UVRAG: variants seen among roughly 807,000 people sequenced by gnomAD.
UVRAG encodes the protein UV radiation resistance-associated gene protein.
Under a neutral mutation model 78.0 loss-of-function variants are expected in UVRAG, and 19 were observed. The ratio of observed to expected loss-of-function variants is 0.24; its 90% CI spans 0.17 to 0.36. The LOEUF (loss-of-function observed/expected upper bound fraction) is 0.36. Among genes scored for constraint, UVRAG ranks in the 10% least tolerant of loss-of-function variants. UVRAG has a pLI of 1.00. For synonymous variants in UVRAG, 323 were observed against 324.6 expected (o/e 1.00, Z 0.05); for missense variants, 740 against 853.8 (o/e 0.87, Z 1.66).
intron 13 of UVRAG, among the ~76,000 whole-genome samples, chr11:76,088,016 C>G (rs957555965): frequency 5.3e-5 from 8 of 152,184 alleles, no homozygotes; most frequent in Non-Finnish European, 1.0e-4. Context: ...GGTGGCTACT[C>G]CTAGCCTCTC....
rs1371606293 is a variant in UVRAG at position 76,141,697 on chromosome 11, G to A, written c.*284G>A. ...AGCTCGAGTCACCTTTTAGCTATTT[G>A]TCTGCTTTTTATTTACCCTTGTATG... On this transcript the variant is annotated 3_prime_UTR_variant, in exon 15 of 15. Coordinates refer to ENST00000356136, the MANE Select transcript of UVRAG (RefSeq NM_003369.4). 1 of 412,034 alleles carries A rather than the reference G, an allele frequency of 2.4e-6. No homozygotes were observed. Among genetic ancestry groups the A allele is most frequent in the Non-Finnish European group, 4.4e-6 (1 of 229,016 alleles). 25.5% of individuals were successfully genotyped at this position (412,034 alleles called of 1,614,324 possible).
intron 5 of UVRAG, among the ~76,000 whole-genome samples, chr11:75,896,977 A>G (rs559397478): frequency 9.2e-5 from 14 of 152,156 alleles, no homozygotes; most frequent in Non-Finnish European, 1.9e-4. Flanking sequence ...TAAGAATTTC[A>G]TTTTTCTGAC....
rs921341740 is a variant in UVRAG at position 75,815,382 on chromosome 11, C to G, written c.-26C>G. 7 of 1,191,724 alleles carry G rather than the reference C, an allele frequency of 5.9e-6. No individual in the cohort carries two copies. Among genetic ancestry groups the G allele is most frequent in the Middle Eastern group, 2.9e-4 (1 of 3,466 alleles). The allele number at this position is 1,191,724 out of a possible 1,614,324, so 73.8% of individuals were successfully genotyped here. A position where few individuals can be genotyped will look rare whatever the true frequency, so the allele number is the denominator to read the frequency against. On this transcript the variant is annotated 5_prime_UTR_variant, in exon 1 of 15. Coordinates refer to ENST00000356136, the MANE Select transcript of UVRAG (RefSeq NM_003369.4). ...GCGGATGCCGGAAGAGTGCCCGCCCCGCCGCTTGGCGGCCCCTGGATCGAG... is the reference window on the plus strand; with the variant it reads ...GCGGATGCCGGAAGAGTGCCCGCCCGGCCGCTTGGCGGCCCCTGGATCGAG...
At chr11:75,909,159 G>C (rs886232141) in intron 5 of UVRAG, among the ~76,000 whole-genome samples, 4 of 151,922 alleles carry the variant, frequency 2.6e-5, no homozygotes, top group Non-Finnish European at 4.4e-5. Context: ...AGCAGCCTTG[G>C]CAACATAGTA....
rs1466253078 is a variant in UVRAG, at chr11:76,131,169, CTG to C, written c.1398-9539_1398-9538del. Among the ~76,000 whole-genome samples the C allele has an allele frequency of 4.6e-5, 7 of 152,292 alleles. No homozygotes were observed. In the East Asian group the frequency reaches 1.3e-3, roughly 29 times the overall value. Reference sequence around the variant, plus strand: ...AGTCCTCATAATGTTGGTTGCCTGACTGTGATTTTACTACATTAATTTGTATG... The same window carrying C: ...AGTCCTCATAATGTTGGTTGCCTGACTGATTTTACTACATTAATTTGTATG... On this transcript the variant is annotated intron_variant, in intron 14 of 14. Transcript: ENST00000356136.
At chr11:75,878,857 G>A (rs945219147) in intron 3 of UVRAG, among the ~76,000 whole-genome samples, 10 of 144,832 alleles carry the variant, frequency 6.9e-5, no homozygotes, top group African/African-American at 2.5e-4. Flanking sequence ...CATGGAAAGA[G>A]AGAGAGAGAG....
At chr11:75,938,129 T>A (rs189107194) in intron 6 of UVRAG, among the ~76,000 whole-genome samples, 1 of 151,414 alleles carries the variant, frequency 6.6e-6, no homozygotes. Flanking sequence ...TCAGACATCA[T>A]GATTTCCTTT....
chr11:76,088,584 TCCTGCAACCACTTACC>T (rs990679373), intron 13 of UVRAG, among the ~76,000 whole-genome samples: 6 of 147,936 alleles, frequency 4.1e-5, no homozygotes, highest in Non-Finnish European at 6.0e-5. Flanking sequence ...CAGCCTCAAC[TCCTGCAACCACTTACC>T]CCAAAACCTC....
intron 6 of UVRAG, among the ~76,000 whole-genome samples, chr11:75,948,236 A>T (rs180759860): frequency 5.3e-5 from 8 of 152,304 alleles, no homozygotes; most frequent in Admixed American, 3.9e-4. Flanking sequence ...CATACCTCTT[A>T]CATCATTGTT....
chr11:75,825,040 T>A (rs572343504), intron 1 of UVRAG, among the ~76,000 whole-genome samples: 19 of 152,278 alleles, frequency 1.2e-4, no homozygotes, highest in African/African-American at 4.3e-4. Context: ...GAAAAAGACA[T>A]CTGTCTTATG....
At chr11:75,878,661 C>T (rs1178010274) in intron 3 of UVRAG, among the ~76,000 whole-genome samples, 1 of 152,218 alleles carries the variant, frequency 6.6e-6, no homozygotes, top group Non-Finnish European at 1.5e-5. Context: ...GAGCTGGAGA[C>T]CAGCCCGGCT....
At chr11:75,995,734 A>T (rs1362336044) in intron 8 of UVRAG, among the ~76,000 whole-genome samples, 1 of 152,078 alleles carries the variant, frequency 6.6e-6, no homozygotes, top group African/African-American at 2.4e-5. Flanking sequence ...TCCTTTTCTT[A>T]GGTCATACAG....
At chr11:76,088,140 G>A (rs1376733752) in intron 13 of UVRAG, among the ~76,000 whole-genome samples, 1 of 152,126 alleles carries the variant, frequency 6.6e-6, no homozygotes, top group African/African-American at 2.4e-5. Context: ...GGGCTCAAGC[G>A]ATAGTGATGG....
At chr11:76,128,892 T>G (rs1466095738) in intron 14 of UVRAG, among the ~76,000 whole-genome samples, 2 of 152,250 alleles carry the variant, frequency 1.3e-5, no homozygotes, top group Admixed American at 1.3e-4. Context: ...GTTTTAATTT[T>G]AAAGAGTTTA....
intron 9 of UVRAG, among the ~76,000 whole-genome samples, chr11:76,005,561 A>G (rs1245821298): frequency 2.0e-5 from 3 of 152,208 alleles, no homozygotes; most frequent in Non-Finnish European, 4.4e-5. Flanking sequence ...CACTTTTAAC[A>G]TTAGATTCTC....
intron 5 of UVRAG, among the ~76,000 whole-genome samples, chr11:75,904,026 A>G (rs1015383611): frequency 1.3e-5 from 2 of 152,218 alleles, no homozygotes; most frequent in African/African-American, 2.4e-5. Context: ...AGTCCAGCAC[A>G]TATTTTTGTA....
chr11:75,993,386 C>G (rs1019383653), intron 8 of UVRAG, among the ~76,000 whole-genome samples: 2 of 152,136 alleles, frequency 1.3e-5, no homozygotes, highest in Non-Finnish European at 2.9e-5. Flanking sequence ...TGGTCTATGG[C>G]AACTTCCAGC....
intron 1 of UVRAG, among the ~76,000 whole-genome samples, chr11:75,817,065 G>A (rs2135795327): frequency 6.6e-6 from 1 of 152,292 alleles, no homozygotes; most frequent in Non-Finnish European, 1.5e-5. Flanking sequence ...GTGGGGGTTT[G>A]GATTGTGTTG....
At chr11:75,893,817 T>C (rs901384156) in intron 5 of UVRAG, among the ~76,000 whole-genome samples, 2 of 150,792 alleles carry the variant, frequency 1.3e-5, no homozygotes, top group African/African-American at 4.9e-5. Flanking sequence ...CACTCTAGCC[T>C]ATGTGACAGA....
Sources: allele counts gnomAD v4.1 joint callset (sites outside exome capture counted in the v4.1 genomes callset), GRCh38; gene constraint gnomAD v4.1.1; transcripts MANE v1.5; gene names NCBI Gene and HGNC (gene_info 2026-07-23, HGNC 2026-07-21).